The following SESN1 variants were observed in gnomAD, a reference collection of about 807,000 sequenced individuals.
SESN1 encodes sestrin-1.
In SESN1, 30 loss-of-function variants were observed where a neutral mutation model predicts 59.3. The observed-to-expected ratio is 0.51, with a 90% CI of 0.38 to 0.69. The LOEUF is 0.69. SESN1 is among the 30% of genes least tolerant of loss of function. The pLI, the probability that SESN1 is intolerant of heterozygous loss-of-function variation, is 0.00. For synonymous variants in SESN1, 197 were observed against 219.9 expected (o/e 0.90, Z 0.92); for missense variants, 566 against 673.0 (o/e 0.84, Z 1.76).
intron 1 of SESN1, among the ~76,000 whole-genome samples, chr6:109,014,649 T>C (rs1418886610): frequency 6.6e-6 from 1 of 152,160 alleles, no homozygotes; most frequent in African/African-American, 2.4e-5. Flanking sequence ...TTTTGTTTTG[T>C]TTTTAAGAAA....
chr6:109,005,949 A>G (rs1381065901), intron 1 of SESN1, among the ~76,000 whole-genome samples: 6 of 152,218 alleles, frequency 3.9e-5, no homozygotes, highest in Non-Finnish European at 5.9e-5. Flanking sequence ...TGGGGTTTCT[A>G]GACTGTGGCT....
chr6:109,024,070 A>T (rs1353225142), intron 1 of SESN1, among the ~76,000 whole-genome samples: 2 of 152,208 alleles, frequency 1.3e-5, no homozygotes. Context: ...ACATTTCATT[A>T]TATCTCAATT....
chr6:108,995,098 G>T (rs1779477202), intron 5 of SESN1, among the ~76,000 whole-genome samples: 1 of 152,132 alleles, frequency 6.6e-6, no homozygotes, highest in African/African-American at 2.4e-5. Flanking sequence ...TAGGAATACA[G>T]ACATGCAGAT....
chr6:109,077,656 A>G (rs181918756), intron 1 of SESN1, among the ~76,000 whole-genome samples: 12 of 152,336 alleles, frequency 7.9e-5, no homozygotes, highest in Admixed American at 6.5e-4. Context: ...GTCCAAGGAA[A>G]GAGCACTAAG....
intron 1 of SESN1, among the ~76,000 whole-genome samples, chr6:109,021,059 T>C (rs1342072830): frequency 6.6e-6 from 1 of 152,148 alleles, no homozygotes; most frequent in Non-Finnish European, 1.5e-5. Flanking sequence ...AATGGGGTGA[T>C]CATGGCTCAC....
intron 1 of SESN1, among the ~76,000 whole-genome samples, chr6:109,054,411 A>T (rs536357825): frequency 5.9e-5 from 9 of 152,318 alleles, no homozygotes; most frequent in Non-Finnish European, 1.2e-4. Flanking sequence ...TCCTTAAAAA[A>T]TACAGTAAAG....
chr6:109,085,098 G>A (rs1429999884), intron 1 of SESN1, among the ~76,000 whole-genome samples: 2 of 143,954 alleles, frequency 1.4e-5, no homozygotes, highest in African/African-American at 5.1e-5. Context: ...TATCTTTATT[G>A]ACACTGGCTT....
intron 1 of SESN1, among the ~76,000 whole-genome samples, chr6:109,028,961 T>G (rs1780140031): frequency 6.6e-6 from 1 of 152,224 alleles, no homozygotes; most frequent in South Asian, 2.1e-4. Flanking sequence ...TTTACCTTTA[T>G]GTATATTAAC....
intron 1 of SESN1, among the ~76,000 whole-genome samples, chr6:109,076,860 C>T (rs906255818): frequency 2.6e-5 from 4 of 152,224 alleles, no homozygotes; most frequent in South Asian, 2.1e-4. Context: ...TCATGCTTCA[C>T]TTAATGACAC....
intron 1 of SESN1, among the ~76,000 whole-genome samples, chr6:109,037,921 A>G (rs1228778547): frequency 6.6e-6 from 1 of 151,902 alleles, no homozygotes; most frequent in Admixed American, 6.6e-5. Flanking sequence ...TAAGCTGACT[A>G]ATTCCATTAT....
intron 1 of SESN1, among the ~76,000 whole-genome samples, chr6:109,073,369 T>C (rs904159051): frequency 1.3e-5 from 2 of 152,194 alleles, no homozygotes; most frequent in South Asian, 2.1e-4. Context: ...TGTTATTATA[T>C]GGTTATTTTC....
At chr6:109,034,919 T>C (rs1490046487) in intron 1 of SESN1, among the ~76,000 whole-genome samples, 1 of 152,242 alleles carries the variant, frequency 6.6e-6, no homozygotes, top group Non-Finnish European at 1.5e-5. Context: ...TAAACTTTCC[T>C]GTTTAAGAAC....
At chr6:109,020,979 C>T (rs1780003079) in intron 1 of SESN1, among the ~76,000 whole-genome samples, 1 of 152,178 alleles carries the variant, frequency 6.6e-6, no homozygotes, top group South Asian at 2.1e-4. Context: ...TAATCTCCTT[C>T]ACCCACCATT....
rs952976246 is a variant in SESN1 at position 108,987,382 on chromosome 6, CA to C, written c.*161del. On this transcript the variant is annotated 3_prime_UTR_variant, in exon 10 of 10. Transcript: ENST00000436639. Reference sequence around the variant, plus strand: ...GCTGCCAAACAGTCACTGCTTGTGCCAGCAGTGGTTTTCCACAGAAAAATAG... The same window carrying C: ...GCTGCCAAACAGTCACTGCTTGTGCCGCAGTGGTTTTCCACAGAAAAATAG... The C allele has an allele frequency of 2.5e-5, 13 of 526,290 alleles. No homozygotes were observed. The highest frequency in any genetic ancestry group is 2.3e-4 in the African/African-American group (12 of 51,544). The allele number at this position is 526,290 out of a possible 1,614,324, so 32.6% of individuals were successfully genotyped here.
intron 2 of SESN1, among the ~76,000 whole-genome samples, chr6:109,002,022 T>C (rs1451742148): frequency 6.6e-6 from 1 of 151,512 alleles, no homozygotes. Context: ...GCAGATGTTG[T>C]ATCACTGGTC....
At chr6:109,009,555 CG>C (rs148473451) in intron 1 of SESN1, 1,119,552 of 1,119,642 alleles carry the variant, frequency 1, 559,731 homozygotes, top group Middle Eastern at 1. Context: ...GCACGGACGG[CG>C]GGGGGGCGGG....
At chr6:109,076,230 C>G (rs1781030157) in intron 1 of SESN1, among the ~76,000 whole-genome samples, 1 of 152,186 alleles carries the variant, frequency 6.6e-6, no homozygotes, top group South Asian at 2.1e-4. Flanking sequence ...AGTATGAAAA[C>G]AGTTCAGTAT....
intron 4 of SESN1, chr6:108,998,966 CTAT>C (rs1779560618): frequency 2.6e-6 from 1 of 389,650 alleles, no homozygotes; most frequent in Non-Finnish European, 4.5e-6. Context: ...AAGACATTCA[CTAT>C]TATTTTGATT....
intron 1 of SESN1, among the ~76,000 whole-genome samples, chr6:109,087,171 C>T (rs1048531618): frequency 3.3e-5 from 5 of 151,860 alleles, no homozygotes; most frequent in African/African-American, 7.3e-5. Context: ...ATAAAATAGA[C>T]GAAATCTGAA....
Sources: gnomAD v4.1 joint callset for allele counts (sites outside exome capture counted in the v4.1 genomes callset) on GRCh38, gnomAD v4.1.1 for gene constraint, MANE v1.5 for transcripts, NCBI Gene and HGNC (gene_info 2026-07-23, HGNC 2026-07-21) for gene names.